The following TAFA4 variants were observed in gnomAD, a reference collection of about 807,000 sequenced individuals.
The protein encoded by TAFA4 is TAFA chemokine like family member 4.
A neutral mutation model predicts 21.1 loss-of-function variants in TAFA4; 20 were observed. The ratio of observed to expected loss-of-function variants is 0.95; its 90% CI spans 0.67 to 1.38. The LOEUF (loss-of-function observed/expected upper bound fraction) is 1.38. TAFA4 is among the 40% of genes most tolerant of loss of function. TAFA4 has a pLI of 0.00. For synonymous variants in TAFA4, 71 were observed against 67.4 expected (o/e 1.05, Z -0.26); for missense variants, 211 against 180.9 (o/e 1.17, Z -0.95).
At chr3:68,782,062 C>T (rs1410748789) in intron 3 of TAFA4, among the ~76,000 whole-genome samples, 1 of 152,006 alleles carries the variant, frequency 6.6e-6, no homozygotes, top group Non-Finnish European at 1.5e-5. Context: ...AGTAGAAAAA[C>T]AACGGAGAAA....
rs75669512 is a variant in TAFA4, at chr3:68,882,030, G to A, written c.15-1185C>T. Among the ~76,000 whole-genome samples, 1,053 of 152,294 alleles carry A rather than the reference G, an allele frequency of 6.9e-3. 7 individuals are homozygous for A. Among genetic ancestry groups the A allele is most frequent in the African/African-American group, 0.024 (1,010 of 41,552 alleles). ...TCCGTCAAATAGATCTTGTTAAAGG[G>A]TGTATTGCTCATTGATTTGAGATTT... is the stretch of plus-strand genomic sequence containing the variant. On this transcript the variant is annotated intron_variant, in intron 2 of 5. Transcript: ENST00000295569.
rs114194699 is a variant in TAFA4, at chr3:68,909,919, G to T, written c.-123+22321C>A. ...GGCCTGCTTTCTCACCTGGAGGCTT[G>T]GGGGAGGAAGACTTCCATACTCACA... On this transcript the variant is annotated intron_variant, in intron 1 of 5. Coordinates refer to ENST00000295569, the MANE Select transcript of TAFA4 (RefSeq NM_182522.5). Among the ~76,000 whole-genome samples, 1,171 of 152,254 alleles carry T rather than the reference G, an allele frequency of 7.7e-3. 15 individuals are homozygous for T. Among genetic ancestry groups the T allele is most frequent in the African/African-American group, 0.027 (1,112 of 41,536 alleles).
intron 3 of TAFA4, among the ~76,000 whole-genome samples, chr3:68,816,593 G>C (rs75741511): frequency 6.6e-6 from 1 of 152,058 alleles, no homozygotes; most frequent in Non-Finnish European, 1.5e-5. Context: ...AGTTCTAATA[G>C]TTTTTATGGA....
At chr3:68,733,879 T>TGACA (rs1487991289) in intron 5 of TAFA4, among the ~76,000 whole-genome samples, 1 of 152,202 alleles carries the variant, frequency 6.6e-6, no homozygotes, top group Non-Finnish European at 1.5e-5. Context: ...TGCTATTAAC[T>TGACA]GACATCTGGC....
chr3:68,880,806 C>G lies in TAFA4; in HGVS notation c.54G>C (p.Trp18Cys). The G allele has an allele frequency of 1.9e-6, 3 of 1,613,722 alleles. No individual in the cohort carries two copies. The highest frequency in any genetic ancestry group is 2.5e-6 in the Non-Finnish European group (3 of 1,179,932). Reference sequence around the variant, plus strand: ...CCATTAACACGTAGGCTAGAAAGAGCCAGTGCGACAGCAACACTGACTTAG... The same window carrying G: ...CCATTAACACGTAGGCTAGAAAGAGGCAGTGCGACAGCAACACTGACTTAG... The part of the protein sequence containing the change: ...VCAKSVLLSH[W>C]LFLAYVLMVC... Residue 18 changes from tryptophan (W) to cysteine (C), a missense_variant, in exon 3 of 6, where the codon TGG becomes TGC. Physicochemically the swap from Trp to Cys is radical, Grantham distance 215 (BLOSUM62 -2). Coordinates refer to ENST00000295569, the MANE Select transcript of TAFA4 (RefSeq NM_182522.5).
intron 1 of TAFA4, among the ~76,000 whole-genome samples, chr3:68,886,488 T>G (rs2089673388): frequency 6.6e-6 from 1 of 152,186 alleles, no homozygotes; most frequent in African/African-American, 2.4e-5. Context: ...ACAATATAAT[T>G]CATCAGAACT....
intron 3 of TAFA4, among the ~76,000 whole-genome samples, chr3:68,818,930 T>C (rs1053179085): frequency 6.6e-6 from 1 of 152,240 alleles, no homozygotes; most frequent in African/African-American, 2.4e-5. Context: ...ATGGCACTGA[T>C]AGACTTGCTG....
chr3:68,812,008 G>T (rs1371290164), intron 3 of TAFA4, among the ~76,000 whole-genome samples: 1 of 152,104 alleles, frequency 6.6e-6, no homozygotes, highest in South Asian at 2.1e-4. Context: ...GAAGAGAGTG[G>T]GGGCCAATAT....
intron 1 of TAFA4, among the ~76,000 whole-genome samples, chr3:68,913,961 T>C (rs954364352): frequency 1.3e-5 from 2 of 152,188 alleles, no homozygotes; most frequent in Non-Finnish European, 2.9e-5. Flanking sequence ...ATATGTGTGG[T>C]AGCTATGTTT....
At chr3:68,902,792 G>C (rs946636318) in intron 1 of TAFA4, among the ~76,000 whole-genome samples, 4 of 152,070 alleles carry the variant, frequency 2.6e-5, no homozygotes, top group African/African-American at 9.7e-5. Context: ...AACCTTATCA[G>C]ACATGAAAAC....
chr3:68,812,113 T>A (rs1473400761), intron 3 of TAFA4, among the ~76,000 whole-genome samples: 1 of 152,054 alleles, frequency 6.6e-6, no homozygotes, highest in East Asian at 1.9e-4. Flanking sequence ...CCTTTACAGA[T>A]AAGCAAATGC....
intron 3 of TAFA4, among the ~76,000 whole-genome samples, chr3:68,846,879 C>G (rs1281287092): frequency 2.0e-5 from 3 of 152,064 alleles, no homozygotes; most frequent in Non-Finnish European, 2.9e-5. Context: ...GCTGCCTGTT[C>G]CTTCCTCTGG....
intron 3 of TAFA4, among the ~76,000 whole-genome samples, chr3:68,826,968 G>C (rs936918152): frequency 6.6e-6 from 1 of 152,072 alleles, no homozygotes; most frequent in Non-Finnish European, 1.5e-5. Flanking sequence ...CATGTGCCGT[G>C]TTGGTTTGCT....
chr3:68,912,835 A>C (rs2089972809), intron 1 of TAFA4, among the ~76,000 whole-genome samples: 1 of 152,190 alleles, frequency 6.6e-6, no homozygotes. Flanking sequence ...AAAGGAAAAA[A>C]CTGAGTTTTC....
chr3:68,770,909 G>T (rs561813993), intron 3 of TAFA4, among the ~76,000 whole-genome samples: 1 of 152,224 alleles, frequency 6.6e-6, no homozygotes, highest in Middle Eastern at 3.4e-3. Flanking sequence ...CTCCCATCCT[G>T]TTCCCGTAAA....
At chr3:68,801,279 T>G (rs1703573842) in intron 3 of TAFA4, among the ~76,000 whole-genome samples, 1 of 152,236 alleles carries the variant, frequency 6.6e-6, no homozygotes, top group Non-Finnish European at 1.5e-5. Flanking sequence ...ATTATTGTTT[T>G]GCTGATGCAT....
chr3:68,875,017 T>G (rs1472910129), intron 3 of TAFA4, among the ~76,000 whole-genome samples: 1 of 152,072 alleles, frequency 6.6e-6, no homozygotes, highest in Non-Finnish European at 1.5e-5. Context: ...GCTAGTGGAA[T>G]CCCTCACCAT....
chr3:68,798,850 C>T (rs969099314), intron 3 of TAFA4, among the ~76,000 whole-genome samples: 8 of 151,736 alleles, frequency 5.3e-5, no homozygotes, highest in African/African-American at 1.9e-4. Context: ...TTGAGTCATA[C>T]AAAATTTAAA....
chr3:68,733,650 G>A (rs1395449284), intron 5 of TAFA4, among the ~76,000 whole-genome samples: 2 of 152,054 alleles, frequency 1.3e-5, no homozygotes, highest in Non-Finnish European at 2.9e-5. Flanking sequence ...AGACATCCAG[G>A]CTCATTGCTT....
Sources: gnomAD v4.1 joint callset for allele counts (sites outside exome capture counted in the v4.1 genomes callset) on GRCh38, gnomAD v4.1.1 for gene constraint, MANE v1.5 for transcripts, NCBI Gene and HGNC (gene_info 2026-07-23, HGNC 2026-07-21) for gene names.